ADGRG7: variants seen among roughly 807,000 people sequenced by gnomAD.
ADGRG7 encodes the protein G-protein coupled receptor 128.
In ADGRG7, 82 loss-of-function variants were observed where a neutral mutation model predicts 88.6. The observed-to-expected ratio is 0.93, with a 90% CI of 0.77 to 1.11. The LOEUF is 1.11. Ranked by LOEUF, ADGRG7 falls within the 50% of genes most tolerant of loss-of-function variation. The pLI is 0.00. For missense variants in ADGRG7, 945 were observed against 953.4 expected (o/e 0.99, Z 0.12); for synonymous variants, 381 against 345.2 (o/e 1.10, Z -1.15).
At chr3:100,688,655 G>A (rs7629121) in intron 15 of ADGRG7, among the ~76,000 whole-genome samples, 49,010 of 151,856 alleles carry the variant, frequency 0.32, 8,385 homozygotes, top group East Asian at 0.54. Context: ...ATTCAGGAAC[G>A]GGTTGTTCAG....
chr3:100,662,295 A>G (rs1043006114), intron 14 of ADGRG7, among the ~76,000 whole-genome samples: 1 of 152,154 alleles, frequency 6.6e-6, no homozygotes, highest in Non-Finnish European at 1.5e-5. Context: ...GGGAGGGAAA[A>G]GTGCTGACAC....
chr3:100,655,909 T>G lies in ADGRG7; in HGVS notation c.1737T>G (p.Ala579=). The change falls in exon 13 of 16, where the codon GCT becomes GCG. Residue 579 remains alanine (A), a synonymous_variant. Transcript: ENST00000273352. Reference sequence around the variant, plus strand: ...CTCTTTATCACATAGGAGTCCCAGCTATAGTAGTGGCTATAACAGTGGGAG... The same window carrying G: ...CTCTTTATCACATAGGAGTCCCAGCGATAGTAGTGGCTATAACAGTGGGAG... The part of the protein sequence containing the change: ...FISLIGWGVP[A]IVVAITVGVI... The G allele has an allele frequency of 1.3e-6, 2 of 1,588,238 alleles. No homozygotes were observed. The highest frequency in any genetic ancestry group is 1.7e-6 in the Non-Finnish European group (2 of 1,156,760).
At chr3:100,668,132 C>A (rs572623837) in intron 14 of ADGRG7, among the ~76,000 whole-genome samples, 2 of 152,330 alleles carry the variant, frequency 1.3e-5, no homozygotes, top group South Asian at 4.1e-4. Flanking sequence ...CAATCAGTCC[C>A]AGTGAGATGA....
rs554408246 is a variant in ADGRG7, at chr3:100,648,372, T to C, written c.1267-1323T>C. On this transcript the variant is annotated intron_variant, in intron 10 of 15. Coordinates refer to ENST00000273352, the MANE Select transcript of ADGRG7 (RefSeq NM_032787.3). ...ATTATTTTTAAAATCTGAAGACCTA[T>C]GAATCTTACGATCCTTTTTGCATCT... 4.6e-5 allele frequency among the ~76,000 whole-genome samples: 7 copies of C among 152,304 alleles called. No homozygotes were observed. The South Asian group carries it at 1.2e-3, about 27-fold the overall frequency.
At chr3:100,684,257 C>CTATT (rs61090159) in intron 15 of ADGRG7, among the ~76,000 whole-genome samples, 42 of 145,298 alleles carry the variant, frequency 2.9e-4, no homozygotes, top group Admixed American at 9.7e-4. Flanking sequence ...TCCATTTTAT[C>CTATT]TATTTATTTA....
At chr3:100,643,721 C>A in intron 8 of ADGRG7, 88 bp downstream of exon 8, 1 of 856,064 alleles carries the variant, frequency 1.2e-6, no homozygotes, top group Non-Finnish European at 1.9e-6. Context: ...GAAATAATGT[C>A]TACTTAGTTT....
chr3:100,643,588 C>A lies in ADGRG7; in HGVS notation c.901C>A (p.Pro301Thr). 1 of 1,613,852 alleles carries A rather than the reference C, an allele frequency of 6.2e-7. No individual in the cohort carries two copies. The highest frequency in any genetic ancestry group is 8.5e-7 in the Non-Finnish European group (1 of 1,179,854). ...ACATACAAATGTGGATGGCCTTAAC[C>A]CAGATGCACAGACTGAGCTTCAGGT... ...FIHTNVDGLNPDAQTELQVLL... is the reference protein window; with the variant it reads ...FIHTNVDGLNTDAQTELQVLL... The change falls in exon 8 of 16, where the codon CCA becomes ACA. Residue 301 changes from proline to threonine, a missense_variant. Transcript: ENST00000273352.
chr3:100,689,682 T>C (rs143869406), intron 15 of ADGRG7, among the ~76,000 whole-genome samples: 3,613 of 152,320 alleles, frequency 0.024, 68 homozygotes, highest in Non-Finnish European at 0.038. Flanking sequence ...TTCTTTTCTT[T>C]AAGAATGTTG....
At chr3:100,632,443 A>T (rs1439758522) in intron 3 of ADGRG7, among the ~76,000 whole-genome samples, 1 of 152,138 alleles carries the variant, frequency 6.6e-6, no homozygotes, top group Non-Finnish European at 1.5e-5. Flanking sequence ...CTTTTCAATG[A>T]TTTTTGAGTG....
chr3:100,674,841 T>C (rs577778300), intron 15 of ADGRG7, among the ~76,000 whole-genome samples: 4 of 152,260 alleles, frequency 2.6e-5, no homozygotes, highest in Non-Finnish European at 5.9e-5. Flanking sequence ...CCTCCCAAAG[T>C]GCTGGGATTA....
intron 1 of ADGRG7, among the ~76,000 whole-genome samples, chr3:100,621,785 T>G (rs549857672): frequency 6.6e-6 from 1 of 152,324 alleles, no homozygotes; most frequent in Admixed American, 6.5e-5. Context: ...AGGCTTCTAT[T>G]GAAAGAAGAT....
intron 6 of ADGRG7, among the ~76,000 whole-genome samples, chr3:100,640,816 C>A (rs1029283739): frequency 6.6e-6 from 1 of 152,148 alleles, no homozygotes; most frequent in Admixed American, 6.5e-5. Context: ...GCCACCGCGA[C>A]GGGCTGACCT....
intron 15 of ADGRG7, among the ~76,000 whole-genome samples, chr3:100,682,147 G>A (rs1357797788): frequency 6.6e-6 from 1 of 152,148 alleles, no homozygotes; most frequent in East Asian, 1.9e-4. Context: ...GCCTGCCCCA[G>A]GGAGCGCCCC....
intron 15 of ADGRG7, among the ~76,000 whole-genome samples, chr3:100,669,401 C>G (rs1217622368): frequency 6.6e-6 from 1 of 151,826 alleles, no homozygotes; most frequent in Non-Finnish European, 1.5e-5. Flanking sequence ...CTGTAGTCTC[C>G]TCCTACTGTA....
chr3:100,684,756 T>C (rs917254471), intron 15 of ADGRG7, among the ~76,000 whole-genome samples: 9 of 152,054 alleles, frequency 5.9e-5, no homozygotes, highest in Non-Finnish European at 7.4e-5. Context: ...ATTTGGAATA[T>C]TTTCATTCTA....
At chr3:100,675,676 G>A (rs2094964429) in intron 15 of ADGRG7, among the ~76,000 whole-genome samples, 1 of 152,014 alleles carries the variant, frequency 6.6e-6, no homozygotes, top group African/African-American at 2.4e-5. Context: ...AGTTTGAGTA[G>A]GATTGGTGTT....
chr3:100,659,909 A>G (rs1208864701), intron 14 of ADGRG7, 66 bp downstream of exon 14: 28 of 1,446,104 alleles, frequency 1.9e-5, no homozygotes, highest in Non-Finnish European at 2.6e-5. Flanking sequence ...CAGCACCATA[A>G]CACATCCACA....
At position 100,646,065 on chromosome 3, in the gene ADGRG7, A is replaced by C; in HGVS notation, c.1067A>C (p.Glu356Ala). ...KIISSKTDEN[E>A]QDQSASVDMV... Reference sequence around the variant, plus strand: ...ATCTCAAGCAAAACTGATGAAAATGAGCAAGATCAGAGTGCTTCTGTTGAC... The same window carrying C: ...ATCTCAAGCAAAACTGATGAAAATGCGCAAGATCAGAGTGCTTCTGTTGAC... The change falls in exon 9 of 16, where the codon GAG (glutamate) becomes GCG (alanine). Residue 356 changes from glutamate to alanine, a missense_variant. Glu to Ala is a moderately radical substitution (Grantham distance 107, BLOSUM62 -1). Transcript: ENST00000273352. The C allele has an allele frequency of 6.2e-7, 1 of 1,614,126 alleles. No individual in the cohort carries two copies. Among genetic ancestry groups the C allele is most frequent in the South Asian group, 1.1e-5 (1 of 91,074 alleles).
chr3:100,657,606 A>G (rs112678613), intron 13 of ADGRG7, among the ~76,000 whole-genome samples: 2,787 of 152,320 alleles, frequency 0.018, 67 homozygotes, highest in African/African-American at 0.063. Context: ...TTGTTTTTAC[A>G]CTGAAGCTTT....
Sources: allele counts gnomAD v4.1 joint callset (sites outside exome capture counted in the v4.1 genomes callset), GRCh38; gene constraint gnomAD v4.1.1; transcripts MANE v1.5; gene names NCBI Gene and HGNC (gene_info 2026-07-23, HGNC 2026-07-21).